Variants in POF1B observed in about 807,000 individuals in gnomAD.
POF1B encodes the protein POF1B actin binding protein, also known as protein POF1B.
A neutral mutation model predicts 55.3 loss-of-function variants in POF1B; 53 were observed. The observed-to-expected ratio is 0.96, with a 90% CI of 0.77 to 1.20. POF1B has a LOEUF of 1.20. Among genes scored for constraint, POF1B ranks in the 50% most tolerant of loss-of-function variants. The pLI, the probability that POF1B is intolerant of heterozygous loss-of-function variation, is 0.00. For missense variants in POF1B, 478 were observed against 420.5 expected, an observed-to-expected ratio of 1.14 and a Z score of -1.20; for synonymous variants, 188 against 148.3, an observed-to-expected ratio of 1.27 and a Z score of -1.95.
intron 3 of POF1B, among the ~76,000 whole-genome samples, chrX:85,362,190 C>A (rs925259029): frequency 2.7e-5 from 3 of 110,994 alleles, no homozygotes; most frequent in Non-Finnish European, 5.7e-5. Context: ...CAACTGCAAA[C>A]AGGGATAGTT....
intron 15 of POF1B, among the ~76,000 whole-genome samples, chrX:85,285,099 C>T (rs1004241256): frequency 8.1e-5 from 9 of 111,135 alleles, no homozygotes; most frequent in African/African-American, 2.9e-4. Context: ...AAATTAAAAC[C>T]ACAGTGATCT....
intron 6 of POF1B, among the ~76,000 whole-genome samples, chrX:85,334,777 G>A (rs965954138): frequency 4.5e-5 from 5 of 111,514 alleles, no homozygotes; most frequent in African/African-American, 1.3e-4. Flanking sequence ...AATTTGGGGT[G>A]TTGTTTCATA....
chrX:85,347,263 A>C (rs2147935596), intron 5 of POF1B, among the ~76,000 whole-genome samples: 1 of 111,412 alleles, frequency 9.0e-6, no homozygotes, highest in African/African-American at 3.2e-5. Flanking sequence ...TTGAAAGTAA[A>C]AATGCAATGC....
At chrX:85,331,182 C>T in intron 6 of POF1B, 103 bp from the exon 7 acceptor site, 2 of 858,640 alleles carry the variant, frequency 2.3e-6, no homozygotes, top group Non-Finnish European at 3.1e-6. Context: ...AAAGTCATCA[C>T]ATAAATCAAG....
chrX:85,361,775 G>T (rs1014191457), intron 3 of POF1B, among the ~76,000 whole-genome samples: 4 of 111,528 alleles, frequency 3.6e-5, no homozygotes, highest in Non-Finnish European at 5.7e-5. Context: ...AATAGGAATA[G>T]CATTGAATCT....
At chrX:85,373,930 A>G (rs1031774701) in intron 2 of POF1B, among the ~76,000 whole-genome samples, 3 of 111,270 alleles carry the variant, frequency 2.7e-5, no homozygotes, top group Non-Finnish European at 5.7e-5. Flanking sequence ...GAGAACAATC[A>G]TTTACACTTA....
At chrX:85,307,474 C>T (rs1932601719) in intron 10 of POF1B, among the ~76,000 whole-genome samples, 198 bp from the exon 11 acceptor site, 2 of 111,830 alleles carry the variant, frequency 1.8e-5, no homozygotes, top group African/African-American at 6.5e-5. Context: ...TTGAAAGAGA[C>T]ATTTTGATGG....
intron 13 of POF1B, 121 bp from the exon 14 acceptor site, chrX:85,304,592 TAGTCA>T: frequency 2.9e-6 from 1 of 343,054 alleles, no homozygotes; most frequent in Middle Eastern, 1.0e-3. Context: ...AAAATACCAA[TAGTCA>T]TAAACGTTCG....
chrX:85,339,729 A>G (rs891851726), intron 6 of POF1B, among the ~76,000 whole-genome samples: 3 of 111,032 alleles, frequency 2.7e-5, no homozygotes, highest in African/African-American at 9.8e-5. Flanking sequence ...AAAAGAGATG[A>G]GATTATAAGT....
chrX:85,356,480 A>G (rs975708199), intron 4 of POF1B, among the ~76,000 whole-genome samples: 2 of 110,581 alleles, frequency 1.8e-5, no homozygotes, highest in South Asian at 3.8e-4. Context: ...AAAAGAAAAA[A>G]GATTGTCTAG....
intron 15 of POF1B, among the ~76,000 whole-genome samples, chrX:85,287,332 A>G (rs932225917): frequency 2.7e-5 from 3 of 111,584 alleles, no homozygotes; most frequent in Admixed American, 1.9e-4. Context: ...TATCACTAAA[A>G]TTGACACAAC....
At chrX:85,301,495 A>G (rs979009269) in intron 15 of POF1B, among the ~76,000 whole-genome samples, 1 of 111,787 alleles carries the variant, frequency 8.9e-6, no homozygotes, top group Non-Finnish European at 1.9e-5. Flanking sequence ...GAAATACTAA[A>G]GGGAGTCCTA....
chrX:85,310,022 G>C (rs1482751779), intron 9 of POF1B, among the ~76,000 whole-genome samples: 1 of 111,778 alleles, frequency 8.9e-6, no homozygotes, highest in East Asian at 2.8e-4. Flanking sequence ...CACTTTCTCT[G>C]ATATTTGAAT....
At chrX:85,287,320 T>A (rs1932076407) in intron 15 of POF1B, among the ~76,000 whole-genome samples, 1 of 111,268 alleles carries the variant, frequency 9.0e-6, no homozygotes, top group Non-Finnish European at 1.9e-5. Flanking sequence ...GTTCTTCAAG[T>A]ATATCACTAA....
rs1256746463 is a variant in POF1B at position 85,306,268 on chromosome X, A to G, written c.1230T>C (p.His410=). ...GTCTGTATTCCATGTCTGATAGTGT[A>G]TGTCGAAGAGAGAGATTGTTTTCTT... ...ALEENNLSLR[H]TLSDMEYRLK... The change falls in exon 12 of 17, where the codon CAT becomes CAC. Residue 410 remains histidine, a synonymous_variant. Transcript: ENST00000262753. 8.3e-7 allele frequency: 1 copy of G among 1,205,696 alleles called. No individual in the cohort carries two copies. Among genetic ancestry groups the G allele is most frequent in the African/African-American group, 1.8e-5 (1 of 57,137 alleles).
chrX:85,322,449 T>C (rs1306206612), intron 7 of POF1B, among the ~76,000 whole-genome samples: 1 of 111,698 alleles, frequency 9.0e-6, no homozygotes, highest in East Asian at 2.8e-4. Flanking sequence ...TAATTCAAGA[T>C]AGATTAAAGA....
chrX:85,283,481 G>A (rs1031065936), intron 15 of POF1B, among the ~76,000 whole-genome samples: 6 of 109,874 alleles, frequency 5.5e-5, no homozygotes, highest in South Asian at 3.8e-4. Context: ...CAAAAAGACC[G>A]ATAAATTTTA....
rs893737988 is a variant in POF1B at position 85,286,209 on chromosome X, A to C, written c.1650-3892T>G. On this transcript the variant is annotated intron_variant, in intron 15 of 16. Transcript: ENST00000262753. The stretch of plus-strand genomic sequence containing the variant: ...GAAGGAAATGGAAGTTGATTATTAC[A>C]GAGTTGTTATGCTACATGTGATGGG... Among the ~76,000 whole-genome samples, 4 of 111,502 alleles carry C rather than the reference A, an allele frequency of 3.6e-5. No individual in the cohort carries two copies. The East Asian group carries it at 8.5e-4, about 24-fold the overall frequency.
intron 8 of POF1B, among the ~76,000 whole-genome samples, chrX:85,315,014 G>A (rs756629662): frequency 1.8e-5 from 2 of 111,403 alleles, no homozygotes; most frequent in East Asian, 5.7e-4. Flanking sequence ...CCACAACACT[G>A]AAACAGCTTC....
Sources: gnomAD v4.1 joint callset for allele counts (sites outside exome capture counted in the v4.1 genomes callset) on GRCh38, gnomAD v4.1.1 for gene constraint, MANE v1.5 for transcripts, NCBI Gene and HGNC (gene_info 2026-07-23, HGNC 2026-07-21) for gene names.